The following MED13L variants were observed in gnomAD, a reference collection of about 807,000 sequenced individuals.
MED13L encodes mediator complex subunit 13L.
Under a neutral mutation model 220.9 loss-of-function variants are expected in MED13L, and 7 were observed. The observed-to-expected ratio is 0.03, with a 90% CI of 0.02 to 0.06. MED13L has a LOEUF of 0.06. MED13L is among the 10% of genes least tolerant of loss of function. The pLI is 1.00. For missense variants in MED13L, 1,965 were observed against 2,760.5 expected, an observed-to-expected ratio of 0.71 and a Z score of 6.46; for synonymous variants, 1,011 against 1,015.2, an observed-to-expected ratio of 1.00 and a Z score of 0.08.
At chr12:116,268,631 CAA>C (rs758154779) in intron 1 of MED13L, among the ~76,000 whole-genome samples, 4 of 120,228 alleles carry the variant, frequency 3.3e-5, no homozygotes, top group Admixed American at 1.7e-4. Context: ...CTCCTCCCAG[CAA>C]AAAAAAAAAA....
intron 2 of MED13L, among the ~76,000 whole-genome samples, chr12:116,123,354 T>C (rs892127551): frequency 6.6e-6 from 1 of 152,156 alleles, no homozygotes; most frequent in Non-Finnish European, 1.5e-5. Context: ...AAGATAAATT[T>C]TGAGACGGAA....
At chr12:116,202,993 G>C (rs1882097400) in intron 2 of MED13L, among the ~76,000 whole-genome samples, 1 of 152,164 alleles carries the variant, frequency 6.6e-6, no homozygotes, top group Non-Finnish European at 1.5e-5. Flanking sequence ...AATGGGCTTT[G>C]CTAAAACTTT....
chr12:116,196,685 T>C (rs987183171), intron 2 of MED13L, among the ~76,000 whole-genome samples: 71 of 152,154 alleles, frequency 4.7e-4, no homozygotes, highest in Non-Finnish European at 2.2e-4. Flanking sequence ...TTAAAATAAA[T>C]AGAAAAGTAA....
intron 2 of MED13L, among the ~76,000 whole-genome samples, chr12:116,173,776 A>G (rs775322913): frequency 3.3e-5 from 5 of 152,186 alleles, no homozygotes; most frequent in South Asian, 2.1e-4. Flanking sequence ...AAATATTCTC[A>G]TATTACACCA....
intron 2 of MED13L, among the ~76,000 whole-genome samples, chr12:116,187,056 T>G (rs1880946200): frequency 6.6e-6 from 1 of 152,214 alleles, no homozygotes; most frequent in African/African-American, 2.4e-5. Flanking sequence ...GCTAGCACTT[T>G]CCTACCCACA....
chr12:116,179,456 A>T (rs1469085531), intron 2 of MED13L, among the ~76,000 whole-genome samples: 1 of 152,038 alleles, frequency 6.6e-6, no homozygotes, highest in Non-Finnish European at 1.5e-5. Flanking sequence ...CTAAAAATCA[A>T]AAAAATTATC....
chr12:116,051,561 G>T (rs927242969), intron 4 of MED13L, among the ~76,000 whole-genome samples: 3 of 152,118 alleles, frequency 2.0e-5, no homozygotes, highest in African/African-American at 7.2e-5. Context: ...GGAACCAGAA[G>T]AATATCGGAT....
chr12:116,237,726 G>A lies in MED13L; in HGVS notation c.73-21C>T, dbSNP rs923662964. The A allele has an allele frequency of 3.1e-6, 5 of 1,601,722 alleles. No individual in the cohort carries two copies. In the East Asian group the frequency reaches 8.9e-5, roughly 29 times the overall value. On this transcript the variant is annotated intron_variant, in intron 1 of 30. Transcript: ENST00000281928. ...TCAGCCTGGAAAAAGACAAAAAATT[G>A]TAATCGTTTTCTCATTTTACTTACA...
At chr12:116,007,388 A>G in intron 11 of MED13L, 23 bp downstream of exon 11, 14,639 of 1,210,376 alleles carry the variant, frequency 0.012, no homozygotes, top group Non-Finnish European at 0.016. Context: ...ACCATGCTGG[A>G]CTCTCTCTCT....
At chr12:116,168,412 G>A (rs1879444146) in intron 2 of MED13L, among the ~76,000 whole-genome samples, 1 of 151,384 alleles carries the variant, frequency 6.6e-6, no homozygotes, top group Non-Finnish European at 1.5e-5. Flanking sequence ...AATAGAGAGA[G>A]GTATCACAGA....
intron 2 of MED13L, among the ~76,000 whole-genome samples, chr12:116,122,408 A>G (rs373598180): frequency 2.0e-5 from 3 of 152,212 alleles, no homozygotes; most frequent in African/African-American, 4.8e-5. Flanking sequence ...GGTAGAATCT[A>G]TATTTGAAGT....
chr12:115,967,025 G>T (rs1393066533), intron 28 of MED13L, among the ~76,000 whole-genome samples: 6 of 151,824 alleles, frequency 4.0e-5, no homozygotes, highest in Non-Finnish European at 7.4e-5. Flanking sequence ...ACAAAAATTA[G>T]CCAGGCACAG....
At chr12:116,203,143 A>C (rs1882106860) in intron 2 of MED13L, among the ~76,000 whole-genome samples, 2 of 152,200 alleles carry the variant, frequency 1.3e-5, no homozygotes, top group Admixed American at 6.5e-5. Context: ...GAGTTTCATC[A>C]AAGTGCCTCA....
At chr12:116,064,246 A>C (rs1169519531) in intron 4 of MED13L, among the ~76,000 whole-genome samples, 2 of 152,136 alleles carry the variant, frequency 1.3e-5, no homozygotes, top group African/African-American at 4.8e-5. Flanking sequence ...ACTTCAAATC[A>C]TCTCTAAATT....
intron 2 of MED13L, among the ~76,000 whole-genome samples, chr12:116,231,150 G>C (rs1225066264): frequency 6.6e-6 from 1 of 152,082 alleles, no homozygotes; most frequent in Non-Finnish European, 1.5e-5. Flanking sequence ...GTTTAAACAG[G>C]CTCAAAATTA....
chr12:115,984,479 T>A, intron 19 of MED13L, 107 bp from the exon 20 acceptor site: 1 of 1,304,428 alleles, frequency 7.7e-7, no homozygotes, highest in Non-Finnish European at 1.1e-6. Flanking sequence ...GCATTTTCCT[T>A]TTTCTTTTAG....
At chr12:116,176,413 T>C (rs1159446151) in intron 2 of MED13L, among the ~76,000 whole-genome samples, 32 of 151,862 alleles carry the variant, frequency 2.1e-4, no homozygotes, top group Admixed American at 2.1e-3. Flanking sequence ...ATCATCATCA[T>C]CATCATCAAA....
chr12:116,158,168 C>CGAGA (rs1878589697), intron 2 of MED13L, among the ~76,000 whole-genome samples: 1 of 150,306 alleles, frequency 6.7e-6, no homozygotes, highest in Non-Finnish European at 1.5e-5. Context: ...AAAAAAAAAC[C>CGAGA]GAGAAACAGA....
intron 5 of MED13L, 142 bp downstream of exon 5, chr12:116,022,314 T>C: frequency 2.0e-6 from 2 of 995,602 alleles, no homozygotes; most frequent in Non-Finnish European, 3.0e-6. Context: ...TAGTCTTTTC[T>C]TCCTTCTTCA....
Sources: allele counts gnomAD v4.1 joint callset (sites outside exome capture counted in the v4.1 genomes callset), GRCh38; gene constraint gnomAD v4.1.1; transcripts MANE v1.5; gene names NCBI Gene and HGNC (gene_info 2026-07-23, HGNC 2026-07-21).